Variants in LEKR1 observed in about 807,000 individuals in gnomAD.
LEKR1 encodes the protein protein LEKR1.
Under a neutral mutation model 72.4 loss-of-function variants are expected in LEKR1, and 59 were observed. The ratio of observed to expected loss-of-function variants is 0.82; its 90% CI spans 0.66 to 1.01. LEKR1 has a LOEUF of 1.01. LEKR1 is among the 50% of genes least tolerant of loss of function. LEKR1 has a pLI of 0.00. For missense variants in LEKR1, 728 were observed against 759.2 expected, an observed-to-expected ratio of 0.96 and a Z score of 0.48; for synonymous variants, 257 against 263.2, an observed-to-expected ratio of 0.98 and a Z score of 0.23.
Position 156,993,291 on chromosome 3 carries a change from T to C in LEKR1, c.1109+14T>C. 3 of 1,527,738 alleles carry C rather than the reference T, an allele frequency of 2.0e-6. No individual in the cohort carries two copies. Among genetic ancestry groups the C allele is most frequent in the Non-Finnish European group, 2.7e-6 (3 of 1,129,638 alleles). 94.6% of individuals were successfully genotyped at this position (1,527,738 alleles called of 1,614,324 possible). ...GAAAAATGAAAGGTGCAGTAAACAA[T>C]AATTTCTTACAAAAACATTTTATGT... On this transcript the variant is annotated intron_variant, in intron 9 of 12. Coordinates refer to ENST00000356539, the MANE Select transcript of LEKR1 (RefSeq NM_001004316.3).
intron 6 of LEKR1, among the ~76,000 whole-genome samples, chr3:156,957,367 G>A (rs1727741160): frequency 6.6e-6 from 1 of 151,756 alleles, no homozygotes; most frequent in African/African-American, 2.4e-5. Flanking sequence ...AACCAGAAAG[G>A]AACTTGGAAA....
chr3:156,846,984 T>A (rs1380979679), intron 2 of LEKR1, among the ~76,000 whole-genome samples: 1 of 151,996 alleles, frequency 6.6e-6, no homozygotes, highest in Admixed American at 6.6e-5. Context: ...GGCTAATTTT[T>A]AAAAAATTTT....
At chr3:156,948,336 T>A (rs1025744876) in intron 6 of LEKR1, among the ~76,000 whole-genome samples, 14 of 151,208 alleles carry the variant, frequency 9.3e-5, no homozygotes, top group Non-Finnish European at 1.5e-5. Flanking sequence ...TATTTATTTT[T>A]ATATATTTGT....
At chr3:156,903,318 G>A (rs1486900541) in intron 3 of LEKR1, among the ~76,000 whole-genome samples, 1 of 151,834 alleles carries the variant, frequency 6.6e-6, no homozygotes, top group Non-Finnish European at 1.5e-5. Flanking sequence ...CTGACTTTTA[G>A]TGATTTTTTG....
chr3:156,968,083 T>A (rs1047753958), intron 6 of LEKR1, among the ~76,000 whole-genome samples: 1 of 152,062 alleles, frequency 6.6e-6, no homozygotes, highest in African/African-American at 2.4e-5. Context: ...GCTGAGAGAT[T>A]TTGTCACCAC....
chr3:157,006,316 T>C (rs948094409), intron 9 of LEKR1, among the ~76,000 whole-genome samples: 4 of 152,228 alleles, frequency 2.6e-5, no homozygotes, highest in African/African-American at 7.2e-5. Flanking sequence ...CTACTATACA[T>C]TTTTAGAACA....
intron 3 of LEKR1, among the ~76,000 whole-genome samples, chr3:156,886,969 A>C (rs1231928865): frequency 3.3e-5 from 5 of 152,142 alleles, no homozygotes; most frequent in African/African-American, 9.7e-5. Context: ...GAGTCTCCAC[A>C]TGCTGTTTTG....
chr3:156,920,676 G>A lies in LEKR1; in HGVS notation c.365G>A (p.Arg122Lys). 1.4e-6 allele frequency: 2 copies of A among 1,403,330 alleles called. No individual in the cohort carries two copies. Among genetic ancestry groups the A allele is most frequent in the South Asian group, 1.3e-5 (1 of 76,878 alleles). The allele number at this position is 1,403,330 out of a possible 1,614,324, so 86.9% of individuals were successfully genotyped here. The change falls in exon 4 of 13, where the codon AGA (arginine) becomes AAA (lysine). Residue 122 changes from arginine (R) to lysine (K), a missense_variant. Coordinates refer to ENST00000356539, the MANE Select transcript of LEKR1 (RefSeq NM_001004316.3). ...HLQDELKIKY[R>K]QSYIFSQRLS... ...CAAGATGAGCTAAAAATTAAATATA[G>A]ACAATCATACATCTTCAGGTAAGAT...
chr3:156,840,056 A>C (rs576473971), intron 2 of LEKR1, among the ~76,000 whole-genome samples: 1 of 152,276 alleles, frequency 6.6e-6, no homozygotes, highest in South Asian at 2.1e-4. Flanking sequence ...GACATTTTTG[A>C]TGATCCACTT....
Position 156,992,729 on chromosome 3 carries a change from C to A in LEKR1, c.904C>A (p.Gln302Lys). 2 of 899,884 alleles carry A rather than the reference C, an allele frequency of 2.2e-6. No individual in the cohort carries two copies. The highest frequency in any genetic ancestry group is 2.8e-6 in the Non-Finnish European group (2 of 705,704). The allele number at this position is 899,884 out of a possible 1,614,324, so 55.7% of individuals were successfully genotyped here. The change falls in exon 8 of 13, where the codon CAG becomes AAG. Residue 302 changes from glutamine to lysine, a missense_variant and splice_region_variant. Coordinates refer to ENST00000356539, the MANE Select transcript of LEKR1 (RefSeq NM_001004316.3). ...GTTTGAATCCATTATTTCTGAGTCACAGTATGCATTACCAATTTTTAAATT... is the reference window on the plus strand; with the variant it reads ...GTTTGAATCCATTATTTCTGAGTCAAAGTATGCATTACCAATTTTTAAATT... The part of the protein sequence containing the change: ...LKFESIISES[Q>K]HTMLLKEKED...
intron 10 of LEKR1, among the ~76,000 whole-genome samples, chr3:157,020,050 G>T (rs1196608582): frequency 6.6e-6 from 1 of 152,012 alleles, no homozygotes; most frequent in Non-Finnish European, 1.5e-5. Flanking sequence ...TACAGTGCTT[G>T]TTCTTTCCCA....
At chr3:156,947,288 ATG>A (rs1207262722) in intron 6 of LEKR1, among the ~76,000 whole-genome samples, 2 of 151,170 alleles carry the variant, frequency 1.3e-5, no homozygotes, top group Non-Finnish European at 3.0e-5. Flanking sequence ...AGGTTTTGCT[ATG>A]TTGGTGCAAG....
At chr3:156,835,356 G>A (rs1712965110) in intron 2 of LEKR1, among the ~76,000 whole-genome samples, 1 of 152,246 alleles carries the variant, frequency 6.6e-6, no homozygotes, top group East Asian at 1.9e-4. Context: ...TCAGGGTGGA[G>A]CCCTTCAAGG....
Position 157,032,966 on chromosome 3 carries a change from C to T in LEKR1, c.1668+4564C>T, listed in dbSNP as rs541080993. Among the ~76,000 whole-genome samples the T allele has an allele frequency of 2.4e-4, 37 of 152,228 alleles. 1 individual carries two copies. Among genetic ancestry groups the T allele is most frequent in the Non-Finnish European group, 4.4e-4 (30 of 67,996 alleles). ...TTAAACTCTTTCATTATTATTATAT[C>T]TGTTATGGCCACAAAACCAGTGATC... On this transcript the variant is annotated intron_variant, in intron 12 of 12. Transcript: ENST00000356539.
intron 7 of LEKR1, among the ~76,000 whole-genome samples, chr3:156,984,593 C>T (rs1730512249): frequency 6.6e-6 from 1 of 152,078 alleles, no homozygotes; most frequent in Non-Finnish European, 1.5e-5. Flanking sequence ...AGGAGAATTG[C>T]TTGAACCCGG....
intron 6 of LEKR1, among the ~76,000 whole-genome samples, chr3:156,951,733 A>G (rs1727175340): frequency 1.3e-5 from 2 of 151,438 alleles, no homozygotes; most frequent in South Asian, 4.1e-4. Context: ...AATTGGGTGT[A>G]TTTGGATCTT....
intron 3 of LEKR1, among the ~76,000 whole-genome samples, chr3:156,901,235 T>C (rs1482901686): frequency 6.6e-6 from 1 of 152,140 alleles, no homozygotes; most frequent in Non-Finnish European, 1.5e-5. Flanking sequence ...TTTCCTTCCT[T>C]CTCTTCTTGT....
intron 3 of LEKR1, among the ~76,000 whole-genome samples, chr3:156,881,647 C>A (rs1488825607): frequency 3.3e-5 from 5 of 150,626 alleles, no homozygotes; most frequent in African/African-American, 9.7e-5. Flanking sequence ...TTGGAAAAAA[C>A]TACTTTAAAG....
intron 9 of LEKR1, among the ~76,000 whole-genome samples, chr3:157,007,212 TAATA>T (rs1553827958): frequency 7.3e-5 from 11 of 151,702 alleles, no homozygotes; most frequent in African/African-American, 1.2e-4. Context: ...AAAATAATAA[TAATA>T]AATAAATAAA....
Sources: gnomAD v4.1 joint callset for allele counts (sites outside exome capture counted in the v4.1 genomes callset) on GRCh38, gnomAD v4.1.1 for gene constraint, MANE v1.5 for transcripts, NCBI Gene and HGNC (gene_info 2026-07-23, HGNC 2026-07-21) for gene names.